Variants in CLVS1 observed in about 807,000 individuals in gnomAD.
CLVS1 encodes clavesin-1.
In CLVS1, 10 loss-of-function variants were observed where a neutral mutation model predicts 33.1. The observed-to-expected ratio is 0.30, with a 90% CI of 0.19 to 0.51. The LOEUF is 0.51. Ranked by LOEUF, CLVS1 falls within the 20% of genes least tolerant of loss-of-function variation. CLVS1 has a pLI of 0.97. For synonymous variants in CLVS1, 163 were observed against 166.1 expected (o/e 0.98, Z 0.14); for missense variants, 343 against 433.4 (o/e 0.79, Z 1.85).
chr8:61,266,369 T>C (rs996390000), intron 2 of CLVS1, among the ~76,000 whole-genome samples: 1 of 151,834 alleles, frequency 6.6e-6, no homozygotes, highest in African/African-American at 2.4e-5. Context: ...CACTGATCAA[T>C]TGGAACAAAA....
chr8:61,257,845 A>G (rs997931613), intron 2 of CLVS1, among the ~76,000 whole-genome samples: 18 of 152,192 alleles, frequency 1.2e-4, no homozygotes, highest in Admixed American at 6.5e-4. Flanking sequence ...CTGAATGACC[A>G]TATATATTTT....
intron 1 of CLVS1, among the ~76,000 whole-genome samples, chr8:61,075,550 C>T (rs1042013839): frequency 6.6e-6 from 1 of 152,224 alleles, no homozygotes; most frequent in African/African-American, 2.4e-5. Context: ...TAACCTTAAA[C>T]TAAGATGGAA....
At chr8:61,397,819 A>G (rs907570807) in intron 3 of CLVS1, among the ~76,000 whole-genome samples, 7 of 152,158 alleles carry the variant, frequency 4.6e-5, no homozygotes, top group Non-Finnish European at 1.0e-4. Flanking sequence ...CATAAATGTA[A>G]GGGTTTATTT....
intron 2 of CLVS1, among the ~76,000 whole-genome samples, chr8:61,261,791 T>C (rs796741907): frequency 7.2e-5 from 11 of 152,224 alleles, no homozygotes; most frequent in African/African-American, 2.6e-4. Flanking sequence ...TTGAAAACTG[T>C]GAGAAATAAA....
intron 2 of CLVS1, among the ~76,000 whole-genome samples, chr8:61,371,581 T>C (rs1484181999): frequency 6.6e-6 from 1 of 152,204 alleles, no homozygotes; most frequent in Non-Finnish European, 1.5e-5. Flanking sequence ...CTTTACATGG[T>C]TATCTGATCA....
chr8:61,308,439 G>T (rs559375998), intron 2 of CLVS1, among the ~76,000 whole-genome samples: 2 of 152,068 alleles, frequency 1.3e-5, no homozygotes, highest in African/African-American at 4.8e-5. Context: ...GGGTTTCTTG[G>T]CGGAGAATGA....
chr8:60,994,182 G>A, the CLVS1 span, among the ~76,000 whole-genome samples: 4 of 152,152 alleles, frequency 2.6e-5, no homozygotes, highest in Non-Finnish European at 4.4e-5. Flanking sequence ...TCTTCTCCCT[G>A]TATCTTCACG....
At chr8:61,120,911 C>G (rs1294800327) in intron 1 of CLVS1, among the ~76,000 whole-genome samples, 1 of 148,266 alleles carries the variant, frequency 6.7e-6, no homozygotes, top group Non-Finnish European at 1.5e-5. Flanking sequence ...CCATTTCCAG[C>G]TTCCTGGCTG....
At chr8:61,140,925 T>C (rs1280941207) in intron 2 of CLVS1, among the ~76,000 whole-genome samples, 1 of 152,190 alleles carries the variant, frequency 6.6e-6, no homozygotes, top group Non-Finnish European at 1.5e-5. Flanking sequence ...GGTGACGTAT[T>C]ACAGTTGTGG....
intron 1 of CLVS1, among the ~76,000 whole-genome samples, chr8:61,111,130 A>G (rs1233827759): frequency 8.5e-5 from 13 of 152,176 alleles, no homozygotes. Flanking sequence ...GCAGTAGTGG[A>G]ATACAGTAGG....
the CLVS1 span, among the ~76,000 whole-genome samples, chr8:61,040,951 G>T: frequency 0.2 from 30,050 of 151,584 alleles, 3,969 homozygotes; most frequent in African/African-American, 0.38. Flanking sequence ...TTTTCTATGG[G>T]TTTTGTAATT....
chr8:61,177,131 A>G (rs1407752294), intron 2 of CLVS1, among the ~76,000 whole-genome samples: 2 of 152,166 alleles, frequency 1.3e-5, no homozygotes, highest in Non-Finnish European at 2.9e-5. Context: ...GCTCCAGGCA[A>G]CACTTTTCCC....
At chr8:61,269,277 C>G (rs1377986502) in intron 2 of CLVS1, among the ~76,000 whole-genome samples, 1 of 152,156 alleles carries the variant, frequency 6.6e-6, no homozygotes, top group African/African-American at 2.4e-5. Flanking sequence ...AATAGGGAAT[C>G]CTCTCCCATT....
At chr8:60,978,601 G>A in the CLVS1 span, among the ~76,000 whole-genome samples, 1 of 152,032 alleles carries the variant, frequency 6.6e-6, no homozygotes, top group South Asian at 2.1e-4. Flanking sequence ...GATCACCTGA[G>A]ATTGGGATTT....
intron 2 of CLVS1, among the ~76,000 whole-genome samples, chr8:61,375,353 C>T (rs151216597): frequency 0.035 from 5,313 of 151,386 alleles, 308 homozygotes; most frequent in African/African-American, 0.12. Context: ...TGGGTTCAAG[C>T]GATTCTCCTG....
chr8:61,448,791 ACTTTTT>A (rs1181430259), intron 3 of CLVS1, among the ~76,000 whole-genome samples: 1 of 151,962 alleles, frequency 6.6e-6, no homozygotes, highest in Non-Finnish European at 1.5e-5. Context: ...TTCTAAAACT[ACTTTTT>A]CATCTGCATC....
rs549082716 is a variant in CLVS1, at chr8:61,195,691, A to G, written c.-152+63831A>G. On this transcript the variant is annotated intron_variant, in intron 2 of 2. Coordinates refer to the CLVS1 transcript ENST00000522621. ...ATCAGATGAAAATATATGAGAAATT[A>G]TTTATTTCAAAATTTATTGATAGAA... 5.9e-5 allele frequency among the ~76,000 whole-genome samples: 9 copies of G among 152,186 alleles called. No individual in the cohort carries two copies. In the South Asian group the frequency reaches 1.9e-3, roughly 32 times the overall value.
At chr8:61,034,198 A>C in the CLVS1 span, among the ~76,000 whole-genome samples, 2 of 152,194 alleles carry the variant, frequency 1.3e-5, no homozygotes, top group African/African-American at 4.8e-5. Flanking sequence ...TGAGCCACCA[A>C]CTAACAGGTT....
chr8:61,167,915 C>T (rs982109577), intron 2 of CLVS1, among the ~76,000 whole-genome samples: 1 of 152,180 alleles, frequency 6.6e-6, no homozygotes, highest in African/African-American at 2.4e-5. Flanking sequence ...CATGAATAAT[C>T]CACCCCTCGT....
Sources: gnomAD v4.1 joint callset for allele counts (sites outside exome capture counted in the v4.1 genomes callset) on GRCh38, gnomAD v4.1.1 for gene constraint, MANE v1.5 for transcripts, NCBI Gene and HGNC (gene_info 2026-07-23, HGNC 2026-07-21) for gene names.